CEP170: variants seen among roughly 807,000 people sequenced by gnomAD.
CEP170 encodes centrosomal protein 170, also known as centrosomal protein of 170 kDa.
CEP170 carries 21 observed loss-of-function variants against 151.9 expected under a neutral mutation model. That is an observed-to-expected ratio of 0.14 (90% CI 0.10 to 0.20). CEP170 has a LOEUF of 0.20. Ranked by LOEUF, CEP170 falls within the 10% of genes least tolerant of loss-of-function variation. The pLI, the probability that CEP170 is intolerant of heterozygous loss-of-function variation, is 1.00. For synonymous variants in CEP170, 356 were observed against 648.8 expected (o/e 0.55, Z 6.86); for missense variants, 964 against 1,892.9 (o/e 0.51, Z 9.11).
intron 15 of CEP170, chr1:243,140,727 C>T (rs983746205): frequency 6.6e-6 from 1 of 152,080 alleles, no homozygotes; most frequent in Non-Finnish European, 1.5e-5. Flanking sequence ...CTAAGTAACT[C>T]GGGTTTACTG....
chr1:243,190,083 C>G (rs541801992), intron 8 of CEP170, among the ~76,000 whole-genome samples: 27 of 152,254 alleles, frequency 1.8e-4, no homozygotes, highest in African/African-American at 6.5e-4. Flanking sequence ...AAATCAGGGA[C>G]AGTCTTGTCA....
intron 13 of CEP170, among the ~76,000 whole-genome samples, chr1:243,158,953 GC>G (rs2057807401): frequency 6.6e-6 from 1 of 152,026 alleles, no homozygotes; most frequent in South Asian, 2.1e-4. Context: ...TGTAATCCCA[GC>G]TACTCGGGAG....
intron 1 of CEP170, among the ~76,000 whole-genome samples, chr1:243,249,937 C>T (rs1165262128): frequency 1.3e-5 from 2 of 152,018 alleles, no homozygotes; most frequent in African/African-American, 4.8e-5. Flanking sequence ...AAAAATTAGC[C>T]GGGCGTGCCT....
At chr1:243,169,936 T>C (rs1175915361) in intron 11 of CEP170, among the ~76,000 whole-genome samples, 182 bp from the exon 12 acceptor site, 1 of 152,096 alleles carries the variant, frequency 6.6e-6, no homozygotes, top group Non-Finnish European at 1.5e-5. Flanking sequence ...AAAATAAAGA[T>C]CTTCTCTGAA....
chr1:243,223,609 G>C (rs1039305465), intron 2 of CEP170, among the ~76,000 whole-genome samples: 4 of 152,188 alleles, frequency 2.6e-5, no homozygotes, highest in African/African-American at 9.7e-5. Flanking sequence ...GCAAAAGACA[G>C]AGCACACTTA....
chr1:243,147,506 C>T (rs2056639266), intron 14 of CEP170, among the ~76,000 whole-genome samples: 1 of 152,094 alleles, frequency 6.6e-6, no homozygotes, highest in Non-Finnish European at 1.5e-5. Context: ...CTTAAGGTTT[C>T]CTAGAAATGT....
chr1:243,174,012 A>T (rs1384413912), intron 10 of CEP170, among the ~76,000 whole-genome samples: 2 of 152,206 alleles, frequency 1.3e-5, no homozygotes. Flanking sequence ...CTCAAACTGT[A>T]TTTGCCTAAC....
At chr1:243,175,990 G>A (rs1177138958) in intron 10 of CEP170, among the ~76,000 whole-genome samples, 2 of 152,128 alleles carry the variant, frequency 1.3e-5, no homozygotes, top group African/African-American at 4.8e-5. Flanking sequence ...CAGAGACGGG[G>A]TTTCACCGTG....
intron 7 of CEP170, 128 bp downstream of exon 7, chr1:243,198,932 C>T: frequency 1.6e-6 from 1 of 607,070 alleles, no homozygotes; most frequent in Non-Finnish European, 2.7e-6. Context: ...TTAAAACATT[C>T]ATCAATTTTA....
At chr1:243,233,100 ATTCT>A (rs571058392) in intron 1 of CEP170, among the ~76,000 whole-genome samples, 124 of 152,302 alleles carry the variant, frequency 8.1e-4, no homozygotes, top group African/African-American at 2.7e-3. Flanking sequence ...TCTCTTTCTT[ATTCT>A]TTATCTTTTT....
intron 14 of CEP170, among the ~76,000 whole-genome samples, chr1:243,146,879 A>G (rs1415339391): frequency 2.0e-5 from 3 of 149,526 alleles, no homozygotes; most frequent in Admixed American, 6.7e-5. Flanking sequence ...GCATGAGCAA[A>G]AAGTTCTAGA....
At chr1:243,182,594 C>T (rs1033189865) in intron 10 of CEP170, among the ~76,000 whole-genome samples, 31 of 152,186 alleles carry the variant, frequency 2.0e-4, no homozygotes, top group Non-Finnish European at 4.3e-4. Context: ...TCCCCACTGC[C>T]TTCGGCATTA....
intron 1 of CEP170, among the ~76,000 whole-genome samples, chr1:243,238,609 A>C (rs535295572): frequency 1.3e-5 from 2 of 152,372 alleles, no homozygotes; most frequent in African/African-American, 4.8e-5. Context: ...ATTTTTTAAA[A>C]GTATAATTTT....
At chr1:243,166,145 T>C (rs371615447) in intron 12 of CEP170, 29 bp from the exon 13 acceptor site, 36 of 1,607,736 alleles carry the variant, frequency 2.2e-5, no homozygotes, top group Non-Finnish European at 2.8e-5. Flanking sequence ...AAAGAAGGAA[T>C]TGATTAAGAC....
intron 18 of CEP170, chr1:243,128,633 C>G: frequency 5.1e-6 from 1 of 194,494 alleles, no homozygotes; most frequent in Non-Finnish European, 1.0e-5. Context: ...ATGGCGCAAT[C>G]TTGGCTCACT....
chr1:243,159,763 T>TTGTGTGTGTGTGTGTGTGTGTGTG (rs565534328), intron 13 of CEP170, among the ~76,000 whole-genome samples: 7,725 of 126,582 alleles, frequency 0.061, 432 homozygotes, highest in South Asian at 0.088. Context: ...GTTTCCGGTT[T>TTGTGTGTGTGTGTGTGTGTGTGTG]TGTGTGTGTG....
At chr1:243,140,395 A>G (rs1185075822) in intron 15 of CEP170, 1 of 265,414 alleles carries the variant, frequency 3.8e-6, no homozygotes, top group African/African-American at 2.2e-5. Flanking sequence ...TGGAAAACAG[A>G]TGGTAAATAG....
chr1:243,131,107 T>C (rs768170256), intron 17 of CEP170, among the ~76,000 whole-genome samples: 5 of 152,030 alleles, frequency 3.3e-5, no homozygotes, highest in East Asian at 1.9e-4. Flanking sequence ...TGTTAAACCA[T>C]AGACATTTCA....
At chr1:243,190,240 C>A (rs572201705) in intron 8 of CEP170, among the ~76,000 whole-genome samples, 1 of 152,160 alleles carries the variant, frequency 6.6e-6, no homozygotes, top group African/African-American at 2.4e-5. Flanking sequence ...AATCGTTTTC[C>A]TTATAGATAG....
Sources: gnomAD v4.1 joint callset for allele counts (sites outside exome capture counted in the v4.1 genomes callset) on GRCh38, gnomAD v4.1.1 for gene constraint, MANE v1.5 for transcripts, NCBI Gene and HGNC (gene_info 2026-07-23, HGNC 2026-07-21) for gene names.